Variants in SIPA1L1 observed in about 807,000 individuals in gnomAD.
SIPA1L1 encodes signal-induced proliferation-associated 1-like protein 1.
In SIPA1L1, 26 loss-of-function variants were observed where a neutral mutation model predicts 162.7. The observed-to-expected ratio is 0.16, with a 90% CI of 0.12 to 0.22. The LOEUF (loss-of-function observed/expected upper bound fraction) is 0.22. SIPA1L1 is among the 10% of genes least tolerant of loss of function. The pLI is 1.00. For missense variants in SIPA1L1, 1,874 were observed against 2,241.0 expected, an observed-to-expected ratio of 0.84 and a Z score of 3.31; for synonymous variants, 829 against 837.4, an observed-to-expected ratio of 0.99 and a Z score of 0.17.
intron 5 of SIPA1L1, among the ~76,000 whole-genome samples, chr14:71,595,549 T>C (rs535623561): frequency 6.6e-6 from 1 of 152,350 alleles, no homozygotes; most frequent in African/African-American, 2.4e-5. Flanking sequence ...GATTTATATA[T>C]ATCCTGTATC....
intron 4 of SIPA1L1, chr14:71,574,798 GT>G (rs2032730303): frequency 6.6e-6 from 1 of 152,020 alleles, no homozygotes; most frequent in Non-Finnish European, 1.5e-5. Flanking sequence ...GTTAATAAGA[GT>G]TTAAATGATC....
chr14:71,390,955 T>A (rs1418161193), intron 2 of SIPA1L1, among the ~76,000 whole-genome samples: 1 of 152,172 alleles, frequency 6.6e-6, no homozygotes, highest in Admixed American at 6.5e-5. Flanking sequence ...ATGTAATTTT[T>A]AAATATATGT....
At chr14:71,539,607 A>G (rs908841389) in intron 4 of SIPA1L1, among the ~76,000 whole-genome samples, 3 of 152,250 alleles carry the variant, frequency 2.0e-5, no homozygotes, top group Non-Finnish European at 2.9e-5. Flanking sequence ...GTCTGAATCT[A>G]ACTTCTTATT....
intron 4 of SIPA1L1, among the ~76,000 whole-genome samples, chr14:71,565,544 T>C (rs1285194743): frequency 1.3e-5 from 2 of 152,230 alleles, no homozygotes; most frequent in Non-Finnish European, 2.9e-5. Context: ...GTAAGAAATA[T>C]AATAATATAA....
chr14:71,672,147 C>T (rs2044596661), intron 11 of SIPA1L1, among the ~76,000 whole-genome samples: 1 of 152,074 alleles, frequency 6.6e-6, no homozygotes, highest in Non-Finnish European at 1.5e-5. Context: ...TCAGGGAAGC[C>T]GTTGAGCTTT....
Position 71,732,187 on chromosome 14 carries a change from C to T in SIPA1L1, c.4862-1479C>T, listed in dbSNP as rs977246995. Among the ~76,000 whole-genome samples, 21 of 152,238 alleles carry T rather than the reference C, an allele frequency of 1.4e-4. 1 individual carries two copies. The highest frequency in any genetic ancestry group is 4.1e-4 in the African/African-American group (17 of 41,532). The stretch of plus-strand genomic sequence containing the variant: ...AGCTGTACTTCAGAGAAGTTCTTTT[C>T]GTAATTTGAAAGGGAAAACAAAGCA... On this transcript the variant is annotated intron_variant, in intron 20 of 23. Coordinates refer to ENST00000381232, the MANE Select transcript of SIPA1L1 (RefSeq NM_001386936.1).
chr14:71,736,682 A>C (rs1308494903), intron 22 of SIPA1L1, among the ~76,000 whole-genome samples: 1 of 152,188 alleles, frequency 6.6e-6, no homozygotes, highest in Non-Finnish European at 1.5e-5. Flanking sequence ...AACTTTAAAA[A>C]TGCATATCCC....
Position 71,546,106 on chromosome 14 carries a change from A to G in SIPA1L1, c.-303+16736A>G, listed in dbSNP as rs1419175338. Among the ~76,000 whole-genome samples the G allele has an allele frequency of 2.6e-5, 4 of 152,062 alleles. No individual in the cohort carries two copies. In the East Asian group the frequency reaches 7.7e-4, roughly 29 times the overall value. On this transcript the variant is annotated intron_variant, in intron 4 of 23. Transcript: ENST00000381232. Reference sequence around the variant, plus strand: ...TCAGGAAAAAAAAAGAGAGAGAGAAAAAGTCTCATACTTAGGTTTTTTACA... The same window carrying G: ...TCAGGAAAAAAAAAGAGAGAGAGAAGAAGTCTCATACTTAGGTTTTTTACA...
At chr14:71,446,536 T>C (rs1173958001) in intron 2 of SIPA1L1, among the ~76,000 whole-genome samples, 1 of 152,106 alleles carries the variant, frequency 6.6e-6, no homozygotes. Flanking sequence ...CCACTGCACT[T>C]CAGCTTGGGC....
intron 6 of SIPA1L1, among the ~76,000 whole-genome samples, chr14:71,619,546 A>T (rs1313694339): frequency 1.3e-5 from 2 of 149,762 alleles, no homozygotes; most frequent in Admixed American, 1.3e-4. Flanking sequence ...CCCACACAGC[A>T]TTTTTTTTTT....
intron 5 of SIPA1L1, among the ~76,000 whole-genome samples, 171 bp from the exon 6 acceptor site, chr14:71,618,586 G>T (rs1332766402): frequency 6.6e-6 from 1 of 152,212 alleles, no homozygotes; most frequent in Non-Finnish European, 1.5e-5. Flanking sequence ...AACTAAACCT[G>T]TGTAGCCAAG....
chr14:71,738,947 C>T lies in SIPA1L1; in HGVS notation c.5209-71C>T. On this transcript the variant is annotated intron_variant, in intron 23 of 23. Transcript: ENST00000381232. ...ACAAAAGATCAAAACGGGTCCATAGCTATTACTCAGAAGAGCTGGGCAAGG... is the reference window on the plus strand; with the variant it reads ...ACAAAAGATCAAAACGGGTCCATAGTTATTACTCAGAAGAGCTGGGCAAGG... 7 of 1,527,430 alleles carry T rather than the reference C, an allele frequency of 4.6e-6. No homozygotes were observed. In the South Asian group the frequency reaches 7.3e-5, roughly 16 times the overall value. The allele number at this position is 1,527,430 out of a possible 1,614,324, so 94.6% of individuals were successfully genotyped here. A position where few individuals can be genotyped will look rare whatever the true frequency, so the allele number is the denominator to read the frequency against.
chr14:71,583,388 C>T (rs117120035), intron 4 of SIPA1L1, among the ~76,000 whole-genome samples: 209 of 152,300 alleles, frequency 1.4e-3, no homozygotes, highest in Non-Finnish European at 2.5e-3. Context: ...TGCCCTGAAA[C>T]ATTGAGAGCT....
At chr14:71,396,975 T>C (rs1364706865) in intron 2 of SIPA1L1, among the ~76,000 whole-genome samples, 4 of 152,226 alleles carry the variant, frequency 2.6e-5, no homozygotes, top group African/African-American at 9.6e-5. Context: ...ACTGACGTTT[T>C]TTAAGGTAAA....
intron 17 of SIPA1L1, among the ~76,000 whole-genome samples, chr14:71,716,761 A>G (rs1425083947): frequency 6.6e-6 from 1 of 152,224 alleles, no homozygotes; most frequent in Non-Finnish European, 1.5e-5. Flanking sequence ...GTCATCTAGC[A>G]TCCCCTCCTA....
At chr14:71,529,193 A>G (rs2053195578) in intron 3 of SIPA1L1, 119 bp from the exon 4 acceptor site, 1 of 416,400 alleles carries the variant, frequency 2.4e-6, no homozygotes, top group Non-Finnish European at 4.2e-6. Flanking sequence ...TATTTACCTT[A>G]GAAAGGCTGG....
chr14:71,381,180 G>A (rs772897310), intron 2 of SIPA1L1, among the ~76,000 whole-genome samples: 5 of 152,158 alleles, frequency 3.3e-5, no homozygotes, highest in East Asian at 1.9e-4. Context: ...AGCCTTCCGA[G>A]TAGCTGGGAT....
chr14:71,339,722 A>G (rs1163793905), intron 2 of SIPA1L1, among the ~76,000 whole-genome samples: 2 of 152,148 alleles, frequency 1.3e-5, no homozygotes, highest in African/African-American at 4.8e-5. Flanking sequence ...CTCTATCTTC[A>G]TTTGTTTCAT....
intron 17 of SIPA1L1, among the ~76,000 whole-genome samples, chr14:71,714,544 G>A (rs1222444605): frequency 6.6e-6 from 1 of 151,674 alleles, no homozygotes; most frequent in Non-Finnish European, 1.5e-5. Flanking sequence ...TTGGGGCAGT[G>A]GGGAGGGAAA....
Sources: allele counts gnomAD v4.1 joint callset (sites outside exome capture counted in the v4.1 genomes callset), GRCh38; gene constraint gnomAD v4.1.1; transcripts MANE v1.5; gene names NCBI Gene and HGNC (gene_info 2026-07-23, HGNC 2026-07-21).